The following PDE8B variants were observed in gnomAD, a reference collection of about 807,000 sequenced individuals.
The protein encoded by PDE8B is high affinity cAMP-specific and IBMX-insensitive 3',5'-cyclic phosphodiesterase 8B.
Under a neutral mutation model 101.3 loss-of-function variants are expected in PDE8B, and 26 were observed. That is an observed-to-expected ratio of 0.26 (90% CI 0.19 to 0.36). The LOEUF (loss-of-function observed/expected upper bound fraction) is 0.36, where lower values mean the gene tolerates loss of function less well. PDE8B is among the 10% of genes least tolerant of loss of function. The pLI is 1.00. For synonymous variants in PDE8B, 424 were observed against 429.3 expected, an observed-to-expected ratio of 0.99 and a Z score of 0.15; for missense variants, 810 against 1,163.1, an observed-to-expected ratio of 0.70 and a Z score of 4.42.
Position 77,272,614 on chromosome 5 carries a change from G to A in PDE8B, c.340-39380G>A, listed in dbSNP as rs545677002. ...CTCTGAGCTACTGCTTGCCACCCTG[G>A]AAGGCTGTGGCTGGTATGTGATCTT... On this transcript the variant is annotated intron_variant, in intron 1 of 21. Transcript: ENST00000264917. Among the ~76,000 whole-genome samples, 178 of 152,304 alleles carry A rather than the reference G, an allele frequency of 1.2e-3. 4 individuals are homozygous for A. In the South Asian group the frequency reaches 0.032, roughly 27 times the overall value.
intron 6 of PDE8B, among the ~76,000 whole-genome samples, chr5:77,343,695 C>T (rs973776718): frequency 6.6e-6 from 1 of 152,058 alleles, no homozygotes; most frequent in Admixed American, 6.5e-5. Context: ...ATTTTCCTTT[C>T]TTCAATAGTA....
At chr5:77,206,975 T>G (rs1747553488), upstream of PDE8B, among the ~76,000 whole-genome samples, 4 of 152,202 alleles carry the variant, frequency 2.6e-5, no homozygotes, top group Admixed American at 2.6e-4. Flanking sequence ...AGCCCAAAGG[T>G]TAAGTGACTT....
chr5:77,196,625 G>T, the PDE8B span, among the ~76,000 whole-genome samples: 6 of 152,010 alleles, frequency 3.9e-5, no homozygotes, highest in Admixed American at 3.9e-4. Flanking sequence ...CTATGTTTAG[G>T]GGTATTTTTA....
chr5:77,101,292 T>G, the PDE8B span, among the ~76,000 whole-genome samples: 4 of 152,102 alleles, frequency 2.6e-5, no homozygotes, highest in African/African-American at 9.7e-5. Flanking sequence ...TTTGCATTTC[T>G]TTTGCAATAG....
chr5:77,152,557 GA>G, the PDE8B span, among the ~76,000 whole-genome samples: 5 of 152,288 alleles, frequency 3.3e-5, no homozygotes, highest in African/African-American at 1.2e-4. Flanking sequence ...ACCTGGCTTA[GA>G]AAAGCCACAG....
At chr5:77,353,873 A>G (rs893839196) in intron 10 of PDE8B, among the ~76,000 whole-genome samples, 2 of 152,246 alleles carry the variant, frequency 1.3e-5, no homozygotes, top group African/African-American at 4.8e-5. Context: ...CAGAATTTTA[A>G]GAAGCCACTT....
chr5:77,149,965 C>A, the PDE8B span, among the ~76,000 whole-genome samples: 1 of 152,178 alleles, frequency 6.6e-6, no homozygotes, highest in African/African-American at 2.4e-5. Context: ...GTAACTATTA[C>A]CATAATCCCT....
the PDE8B span, among the ~76,000 whole-genome samples, chr5:77,187,099 T>C: frequency 3.3e-5 from 5 of 152,228 alleles, no homozygotes; most frequent in Non-Finnish European, 7.3e-5. Context: ...GTTTTCAACA[T>C]TTGTTGAAGT....
chr5:77,361,553 T>C (rs929707469), intron 10 of PDE8B, among the ~76,000 whole-genome samples: 2 of 151,536 alleles, frequency 1.3e-5, no homozygotes, highest in African/African-American at 2.4e-5. Context: ...CTCGCTCTAT[T>C]GCCCAGGCTA....
intron 1 of PDE8B, among the ~76,000 whole-genome samples, chr5:77,244,206 G>A (rs1299067170): frequency 6.6e-6 from 1 of 152,104 alleles, no homozygotes; most frequent in Non-Finnish European, 1.5e-5. Context: ...TTAGCTTGGG[G>A]GTGGGGTAAA....
At chr5:77,214,748 C>T (rs890092396) in intron 1 of PDE8B, among the ~76,000 whole-genome samples, 10 of 152,006 alleles carry the variant, frequency 6.6e-5, no homozygotes, top group South Asian at 2.1e-4. Flanking sequence ...TCAAACTTTA[C>T]GCAAGAATCA....
the PDE8B span, among the ~76,000 whole-genome samples, chr5:77,169,927 C>T: frequency 6.6e-6 from 1 of 152,150 alleles, no homozygotes; most frequent in Non-Finnish European, 1.5e-5. Context: ...AGTTTTCTCT[C>T]CTCCCTGACT....
At chr5:77,380,711 A>G (rs933215898) in intron 10 of PDE8B, among the ~76,000 whole-genome samples, 2 of 152,230 alleles carry the variant, frequency 1.3e-5, no homozygotes, top group African/African-American at 4.8e-5. Context: ...ATCAAGTGAG[A>G]CATAACCCCT....
chr5:77,309,467 T>C (rs922467664), intron 1 of PDE8B, among the ~76,000 whole-genome samples: 2 of 152,154 alleles, frequency 1.3e-5, no homozygotes, highest in Non-Finnish European at 2.9e-5. Context: ...ACTGAGTGAC[T>C]CTTTTAGGAG....
intron 20 of PDE8B, among the ~76,000 whole-genome samples, chr5:77,424,179 A>G (rs1312802795): frequency 6.6e-6 from 1 of 152,198 alleles, no homozygotes; most frequent in Non-Finnish European, 1.5e-5. Context: ...GAAATGAGCA[A>G]GCCAAGCCAA....
At chr5:77,334,480 T>C (rs1777735488) in intron 5 of PDE8B, among the ~76,000 whole-genome samples, 1 of 152,218 alleles carries the variant, frequency 6.6e-6, no homozygotes, top group African/African-American at 2.4e-5. Context: ...ATTTGTTCAA[T>C]TTAACAAGTG....
At chr5:77,300,256 A>G (rs575766776) in intron 1 of PDE8B, among the ~76,000 whole-genome samples, 1 of 152,362 alleles carries the variant, frequency 6.6e-6, no homozygotes, top group South Asian at 2.1e-4. Flanking sequence ...TGTAGCCAAG[A>G]GAAGAGGATG....
chr5:77,331,113 G>A (rs1379923574), intron 4 of PDE8B, among the ~76,000 whole-genome samples: 1 of 152,174 alleles, frequency 6.6e-6, no homozygotes, highest in African/African-American at 2.4e-5. Flanking sequence ...CATACATGTG[G>A]CTCAACCCCA....
intron 5 of PDE8B, among the ~76,000 whole-genome samples, chr5:77,335,618 T>A (rs190742321): frequency 1.3e-5 from 2 of 151,826 alleles, no homozygotes; most frequent in East Asian, 1.9e-4. Flanking sequence ...CTGGCCAACT[T>A]GGGTGAAGGA....
Sources: allele counts gnomAD v4.1 joint callset (sites outside exome capture counted in the v4.1 genomes callset), GRCh38; gene constraint gnomAD v4.1.1; transcripts MANE v1.5; gene names NCBI Gene and HGNC (gene_info 2026-07-23, HGNC 2026-07-21).